Variants in SYTL2 observed in about 807,000 individuals in gnomAD.
SYTL2 encodes the protein synaptotagmin-like protein 2.
A neutral mutation model predicts 198.7 loss-of-function variants in SYTL2; 165 were observed. The observed-to-expected ratio is 0.83, with a 90% CI of 0.73 to 0.94. The LOEUF (loss-of-function observed/expected upper bound fraction) is 0.94, where lower values mean the gene tolerates loss of function less well. Ranked by LOEUF, SYTL2 falls within the 40% of genes least tolerant of loss-of-function variation. SYTL2 has a pLI of 0.00. For missense variants in SYTL2, 2,835 were observed against 2,582.8 expected, an observed-to-expected ratio of 1.10 and a Z score of -2.12; for synonymous variants, 966 against 917.7, an observed-to-expected ratio of 1.05 and a Z score of -0.95.
chr11:85,829,004 G>A, the SYTL2 span, among the ~76,000 whole-genome samples: 20 of 151,658 alleles, frequency 1.3e-4, no homozygotes, highest in Admixed American at 4.6e-4. Flanking sequence ...CTTAGGGAAG[G>A]TAAGAAGACA....
chr11:85,712,071 G>A (rs78376683), intron 12 of SYTL2, among the ~76,000 whole-genome samples: 2,753 of 152,218 alleles, frequency 0.018, 92 homozygotes, highest in African/African-American at 0.063. Context: ...GAGAGCTTAT[G>A]GAACAGTTCA....
chr11:85,785,446 A>G (rs187564200), intron 1 of SYTL2, among the ~76,000 whole-genome samples: 1 of 152,340 alleles, frequency 6.6e-6, no homozygotes, highest in Non-Finnish European at 1.5e-5. Flanking sequence ...CTATCTTCCT[A>G]AAAGTAAAAA....
chr11:85,752,939 A>AC (rs2091615793), intron 2 of SYTL2, among the ~76,000 whole-genome samples: 3 of 142,486 alleles, frequency 2.1e-5, no homozygotes, highest in East Asian at 2.0e-4. Flanking sequence ...AAAAAAAAAA[A>AC]AAAAAAAAAA....
intron 1 of SYTL2, among the ~76,000 whole-genome samples, chr11:85,805,390 T>C (rs2092945690): frequency 6.6e-6 from 1 of 151,146 alleles, no homozygotes; most frequent in Admixed American, 6.6e-5. Context: ...CAAATGCTAG[T>C]CTAAAACCAA....
At chr11:85,730,635 T>C (rs906856963) in intron 7 of SYTL2, among the ~76,000 whole-genome samples, 2 of 152,066 alleles carry the variant, frequency 1.3e-5, no homozygotes, top group African/African-American at 4.8e-5. Flanking sequence ...ACAGCCAATA[T>C]CATACTGAAT....
chr11:85,756,589 T>C (rs1157270914), intron 2 of SYTL2, among the ~76,000 whole-genome samples: 1 of 152,280 alleles, frequency 6.6e-6, no homozygotes, highest in Non-Finnish European at 1.5e-5. Context: ...GGGGTAATTA[T>C]ATCCCACTCC....
chr11:85,827,893 C>T, the SYTL2 span, among the ~76,000 whole-genome samples: 2 of 152,154 alleles, frequency 1.3e-5, no homozygotes, highest in African/African-American at 4.8e-5. Flanking sequence ...CAAAGTGAAA[C>T]ACACTCACAA....
intron 7 of SYTL2, among the ~76,000 whole-genome samples, chr11:85,730,638 T>C (rs1565940766): frequency 6.6e-6 from 1 of 152,110 alleles, no homozygotes; most frequent in African/African-American, 2.4e-5. Flanking sequence ...GCCAATATCA[T>C]ACTGAATGGG....
chr11:85,704,210 T>C (rs1005911419), intron 16 of SYTL2, among the ~76,000 whole-genome samples: 1 of 152,026 alleles, frequency 6.6e-6, no homozygotes, highest in Non-Finnish European at 1.5e-5. Flanking sequence ...AACAAACTTC[T>C]AATCAAAAGG....
chr11:85,707,155 T>C (rs552420169), intron 15 of SYTL2, among the ~76,000 whole-genome samples: 1 of 152,324 alleles, frequency 6.6e-6, no homozygotes, highest in African/African-American at 2.4e-5. Flanking sequence ...TGTGTGTTTT[T>C]AAATAAGTTA....
Position 85,727,557 on chromosome 11 carries a change from A to T in SYTL2, c.1801T>A (p.Ser601Thr), listed in dbSNP as rs1456380348. The change falls in exon 8 of 20, where the codon TCT becomes ACT. Residue 601 changes from serine (S) to threonine (T), a missense_variant. Transcript: ENST00000359152. Reference sequence around the variant, plus strand: ...ACATTATTATCTTGGCAACTTTCAGAAACCAGCATATCTCCCTCTGCTTGG... The same window carrying T: ...ACATTATTATCTTGGCAACTTTCAGTAACCAGCATATCTCCCTCTGCTTGG... ...PFQAEGDMLV[S>T]ESCQDNNVNI... The T allele has an allele frequency of 2.1e-5, 33 of 1,535,998 alleles. No homozygotes were observed. Among genetic ancestry groups the T allele is most frequent in the Non-Finnish European group, 2.7e-5 (31 of 1,146,912 alleles).
At chr11:85,816,953 G>C in the SYTL2 span, among the ~76,000 whole-genome samples, 1 of 150,242 alleles carries the variant, frequency 6.7e-6, no homozygotes, top group Non-Finnish European at 1.5e-5. Flanking sequence ...TTATAAGAGA[G>C]TCTTTCTGGT....
At chr11:85,800,904 A>G (rs2092877163) in intron 1 of SYTL2, among the ~76,000 whole-genome samples, 1 of 152,208 alleles carries the variant, frequency 6.6e-6, no homozygotes. Context: ...TCTAGTAACC[A>G]AGGCTAATCT....
At chr11:85,773,946 A>C (rs2092406722) in intron 1 of SYTL2, among the ~76,000 whole-genome samples, 1 of 115,814 alleles carries the variant, frequency 8.6e-6, no homozygotes, top group Admixed American at 9.0e-5. Context: ...GTTAGAAATG[A>C]TGTCCAGCTA....
At chr11:85,699,946 C>T (rs1409026750) in intron 17 of SYTL2, among the ~76,000 whole-genome samples, 1 of 152,140 alleles carries the variant, frequency 6.6e-6, no homozygotes, top group East Asian at 1.9e-4. Context: ...TAATTCCCAC[C>T]TGTGAAAAAG....
At chr11:85,792,623 T>C (rs2092746051) in intron 1 of SYTL2, among the ~76,000 whole-genome samples, 1 of 151,860 alleles carries the variant, frequency 6.6e-6, no homozygotes, top group Admixed American at 6.6e-5. Context: ...CAGAGCTTTT[T>C]TTTTTAATTT....
At chr11:85,836,836 A>C in the SYTL2 span, among the ~76,000 whole-genome samples, 3 of 152,336 alleles carry the variant, frequency 2.0e-5, no homozygotes, top group East Asian at 5.8e-4. Context: ...ATACACACAC[A>C]CACACAGATA....
intron 1 of SYTL2, among the ~76,000 whole-genome samples, chr11:85,783,463 T>A (rs1283691152): frequency 6.6e-6 from 1 of 152,156 alleles, no homozygotes; most frequent in Admixed American, 6.5e-5. Flanking sequence ...ACACTTTGAT[T>A]TTTATATATA....
chr11:85,777,812 C>CT (rs57873368), intron 1 of SYTL2, among the ~76,000 whole-genome samples: 1,427 of 63,254 alleles, frequency 0.023, 69 homozygotes, highest in African/African-American at 0.025. Flanking sequence ...GGTCTTACTT[C>CT]TTTTTTTTTT....
Sources: allele counts gnomAD v4.1 joint callset (sites outside exome capture counted in the v4.1 genomes callset), GRCh38; gene constraint gnomAD v4.1.1; transcripts MANE v1.5; gene names NCBI Gene and HGNC (gene_info 2026-07-23, HGNC 2026-07-21).